The following RBM46 variants were observed in gnomAD, a reference collection of about 807,000 sequenced individuals.
RBM46 encodes probable RNA-binding protein 46.
Under a neutral mutation model 43.3 loss-of-function variants are expected in RBM46, and 12 were observed. That is an observed-to-expected ratio of 0.28 (90% CI 0.18 to 0.45). The LOEUF is 0.45. Ranked by LOEUF, RBM46 falls within the 20% of genes least tolerant of loss-of-function variation. The pLI is 1.00. For missense variants in RBM46, 412 were observed against 639.1 expected (o/e 0.64, Z 3.83); for synonymous variants, 205 against 207.6 (o/e 0.99, Z 0.11).
intron 4 of RBM46, among the ~76,000 whole-genome samples, chr4:154,812,532 G>T (rs550998388): frequency 6.6e-6 from 1 of 152,132 alleles, no homozygotes; most frequent in Non-Finnish European, 1.5e-5. Flanking sequence ...CATCAAACAG[G>T]CAAAGTTTGT....
At chr4:154,790,748 G>GA (rs1734045622) in intron 1 of RBM46, among the ~76,000 whole-genome samples, 1 of 152,198 alleles carries the variant, frequency 6.6e-6, no homozygotes. Flanking sequence ...TTGCTAATAT[G>GA]AAAAGTTTTA....
Position 154,786,520 on chromosome 4 carries a change from C to A in RBM46, c.-12+5084C>A, listed in dbSNP as rs150354576. Among the ~76,000 whole-genome samples, 61 of 152,166 alleles carry A rather than the reference C, an allele frequency of 4.0e-4. 1 individual carries two copies. In the East Asian group the frequency reaches 8.3e-3, roughly 21 times the overall value. On this transcript the variant is annotated intron_variant, in intron 1 of 4. Transcript: ENST00000281722. Reference sequence around the variant, plus strand: ...TGTCCATGAGGTATAGTGTAAGATACAAAGCTGATAATACAGACATAAGAC... The same window carrying A: ...TGTCCATGAGGTATAGTGTAAGATAAAAAGCTGATAATACAGACATAAGAC...
intron 1 of RBM46, among the ~76,000 whole-genome samples, chr4:154,788,125 A>G (rs993558738): frequency 6.6e-6 from 1 of 152,126 alleles, no homozygotes; most frequent in African/African-American, 2.4e-5. Context: ...ATTTTCTCCC[A>G]TTCTGTAGGT....
At position 154,828,462 on chromosome 4, in the gene RBM46, G is replaced by T; in HGVS notation, c.*395G>T. ...TGGTTATAGTAGATTTGATTACCAA[G>T]GATCACTATCTGTACTGGAGATTAG... On this transcript the variant is annotated 3_prime_UTR_variant, in exon 5 of 5. Transcript: ENST00000281722. 5.1e-6 allele frequency: 1 copy of T among 197,570 alleles called. No individual in the cohort carries two copies. Among genetic ancestry groups the T allele is most frequent in the Non-Finnish European group, 1.0e-5 (1 of 97,480 alleles). 12.2% of individuals were successfully genotyped at this position (197,570 alleles called of 1,614,324 possible).
At chr4:154,818,649 T>C (rs1193953305) in intron 4 of RBM46, among the ~76,000 whole-genome samples, 1 of 152,006 alleles carries the variant, frequency 6.6e-6, no homozygotes, top group Non-Finnish European at 1.5e-5. Flanking sequence ...TTCTGCGTTA[T>C]TGTGTTTTCA....
chr4:154,797,396 C>A (rs1008168315), intron 2 of RBM46, among the ~76,000 whole-genome samples: 45 of 152,136 alleles, frequency 3.0e-4, no homozygotes, highest in African/African-American at 9.2e-4. Context: ...GTAGCACTTA[C>A]CACTTTCTTC....
intron 4 of RBM46, chr4:154,820,411 G>A: frequency 6.6e-7 from 1 of 1,517,724 alleles, no homozygotes; most frequent in Non-Finnish European, 8.8e-7. Context: ...AGAATTTGGA[G>A]AAAATAAACA....
chr4:154,814,693 A>G (rs1326522788), intron 4 of RBM46, among the ~76,000 whole-genome samples: 14 of 152,030 alleles, frequency 9.2e-5, no homozygotes, highest in African/African-American at 2.4e-5. Flanking sequence ...TAGCATCTGT[A>G]TTGAAAATCA....
chr4:154,793,509 T>C (rs1030525717), intron 1 of RBM46, among the ~76,000 whole-genome samples: 1 of 152,158 alleles, frequency 6.6e-6, no homozygotes, highest in African/African-American at 2.4e-5. Flanking sequence ...GAGTTTTCTG[T>C]TGGGCTTCCC....
rs1298098399 is a variant in RBM46 at position 154,798,220 on chromosome 4, A to C, written c.561A>C (p.Ala187=). The C allele has an allele frequency of 6.2e-7, 1 of 1,611,284 alleles. No individual in the cohort carries two copies. The highest frequency in any genetic ancestry group is 8.5e-7 in the Non-Finnish European group (1 of 1,179,080). Residue 187 remains alanine, a synonymous_variant, in exon 3 of 5, where the codon GCA becomes GCC. Coordinates refer to ENST00000281722, the MANE Select transcript of RBM46 (RefSeq NM_144979.5). ...ATAAGACCAAAAATCGTGGTTTTGC[A>C]TTTGTGGAATATGAATCTCACAGAG... ...ATDKTKNRGF[A]FVEYESHRAA...
chr4:154,808,209 A>C (rs916898568), intron 4 of RBM46, among the ~76,000 whole-genome samples: 2 of 152,012 alleles, frequency 1.3e-5, no homozygotes, highest in African/African-American at 4.8e-5. Context: ...TCTGTACACA[A>C]ATTCAAGGGA....
intron 4 of RBM46, chr4:154,826,762 A>G: frequency 7.4e-7 from 1 of 1,353,124 alleles, no homozygotes; most frequent in Non-Finnish European, 9.9e-7. Flanking sequence ...TTTTTTCCTG[A>G]ACTAGGTCCT....
In RBM46 at chr4:154,812,017, C is replaced by CTT. The variant is rs76513488; in HGVS notation, c.1402+12469_1402+12470dup. ...GGATTTTAATGTTGACACTTCTTTA[C>CTT]TTTTTTTTTTTTTTTTTAACAAACA... On this transcript the variant is annotated intron_variant, in intron 4 of 4. Coordinates refer to ENST00000281722, the MANE Select transcript of RBM46 (RefSeq NM_144979.5). 3.6e-4 allele frequency among the ~76,000 whole-genome samples: 48 copies of CTT among 133,136 alleles called. 1 individual carries two copies. Among genetic ancestry groups the CTT allele is most frequent in the Admixed American group, 2.5e-3 (33 of 13,108 alleles). 87.3% of individuals were successfully genotyped at this position (133,136 alleles called of 152,430 possible).
chr4:154,801,216 C>T (rs774413154), intron 4 of RBM46, among the ~76,000 whole-genome samples: 2 of 152,140 alleles, frequency 1.3e-5, no homozygotes, highest in Admixed American at 6.5e-5. Context: ...TGACCTCAGG[C>T]GACCCGCCCT....
rs370685487 is a variant in RBM46, at chr4:154,828,054, C to A, written c.1589C>A (p.Ala530Asp). 4 of 1,609,542 alleles carry A rather than the reference C, an allele frequency of 2.5e-6. No homozygotes were observed. Among genetic ancestry groups the A allele is most frequent in the Non-Finnish European group, 3.4e-6 (4 of 1,176,080 alleles). ...CAGCGGCTATGTATCTCCAATCAGG[C>A]CTCCTTCTTCTGAAGAAAATACTAA... ...VGQRLCISNQASFF is the reference protein window; with the variant it reads ...VGQRLCISNQDSFF Residue 530 changes from alanine (A) to aspartate (D), a missense_variant, in exon 5 of 5, where the codon GCC (alanine) becomes GAC (aspartate). Around this residue, in one of 8 missense-constraint regions of RBM46, gnomAD observed 149 missense variants for 156.3 expected, o/e 0.95. Transcript: ENST00000281722.
intron 1 of RBM46, among the ~76,000 whole-genome samples, chr4:154,786,833 A>G (rs1467385221): frequency 6.6e-6 from 1 of 152,142 alleles, no homozygotes; most frequent in Non-Finnish European, 1.5e-5. Flanking sequence ...AGGCTGAGGA[A>G]GGAGAATCGC....
intron 2 of RBM46, among the ~76,000 whole-genome samples, chr4:154,797,458 G>A (rs1009298494): frequency 6.6e-6 from 1 of 152,082 alleles, no homozygotes; most frequent in African/African-American, 2.4e-5. Context: ...ATGTTGCTCT[G>A]ACATAAAAGC....
intron 4 of RBM46, among the ~76,000 whole-genome samples, chr4:154,816,413 T>G (rs1400196023): frequency 6.6e-6 from 1 of 152,128 alleles, no homozygotes; most frequent in East Asian, 1.9e-4. Flanking sequence ...AAAAATTTGC[T>G]CTCTCAGTAG....
At chr4:154,812,932 C>T (rs756088560) in intron 4 of RBM46, among the ~76,000 whole-genome samples, 3 of 152,074 alleles carry the variant, frequency 2.0e-5, no homozygotes, top group Non-Finnish European at 4.4e-5. Flanking sequence ...CCCAAAATGA[C>T]TTTTTCTTTA....
Sources: gnomAD v4.1 joint callset for allele counts (sites outside exome capture counted in the v4.1 genomes callset) on GRCh38, gnomAD v4.1.1 for gene constraint, gnomAD v4.1.1 regional missense constraint, MANE v1.5 for transcripts, NCBI Gene and HGNC (gene_info 2026-07-23, HGNC 2026-07-21) for gene names.